Variants in CLPTM1L observed in about 807,000 individuals in gnomAD.
CLPTM1L encodes the protein lipid scramblase CLPTM1L.
CLPTM1L carries 38 observed loss-of-function variants against 70.9 expected under a neutral mutation model. The observed-to-expected ratio is 0.54, with a 90% CI of 0.41 to 0.70. CLPTM1L has a LOEUF of 0.70. Ranked by LOEUF, CLPTM1L falls within the 30% of genes least tolerant of loss-of-function variation. The pLI is 0.00. For synonymous variants in CLPTM1L, 339 were observed against 299.9 expected (o/e 1.13, Z -1.35); for missense variants, 652 against 705.9 (o/e 0.92, Z 0.87).
At chr5:1,337,171 C>A (rs1753625751) in intron 5 of CLPTM1L, among the ~76,000 whole-genome samples, 1 of 152,210 alleles carries the variant, frequency 6.6e-6, no homozygotes, top group Non-Finnish European at 1.5e-5. Flanking sequence ...CAAATAACCT[C>A]ATCCGTGAAA....
At chr5:1,327,218 T>G (rs75471300) in intron 9 of CLPTM1L, among the ~76,000 whole-genome samples, 11 of 141,242 alleles carry the variant, frequency 7.8e-5, no homozygotes, top group South Asian at 2.3e-4. Context: ...GCTCCTCCTC[T>G]ACAGACACAT....
intron 11 of CLPTM1L, among the ~76,000 whole-genome samples, chr5:1,324,538 C>A (rs1481575783): frequency 1.3e-5 from 2 of 152,250 alleles, no homozygotes; most frequent in Non-Finnish European, 2.9e-5. Flanking sequence ...TACGGTGACA[C>A]AGGCAGGCTG....
Position 1,324,879 on chromosome 5 carries a change from G to A in CLPTM1L, c.1147-66C>T, listed in dbSNP as rs1752421380. 5.4e-5 allele frequency: 78 copies of A among 1,456,950 alleles called. No individual in the cohort carries two copies. The South Asian group carries it at 8.6e-4, about 16-fold the overall frequency. 90.3% of individuals were successfully genotyped at this position (1,456,950 alleles called of 1,614,324 possible). ...GAGGATCTGAGCACAGCTGAGCTGT[G>A]ACTAAGGGGCGTCACATATGGCTGC... is the stretch of plus-strand genomic sequence containing the variant. On this transcript the variant is annotated intron_variant, in intron 10 of 16. Coordinates refer to ENST00000320895, the MANE Select transcript of CLPTM1L (RefSeq NM_030782.5).
intron 13 of CLPTM1L, among the ~76,000 whole-genome samples, 198 bp downstream of exon 13, chr5:1,322,677 ACT>A (rs1752226006): frequency 6.6e-6 from 1 of 152,212 alleles, no homozygotes; most frequent in African/African-American, 2.4e-5. Context: ...AGAACCAGTC[ACT>A]GTTGTGAAGC....
At chr5:1,320,297 T>C in intron 16 of CLPTM1L, 1 of 249,834 alleles carries the variant, frequency 4.0e-6, no homozygotes, top group Admixed American at 5.6e-5. Flanking sequence ...TCTGTTCTGC[T>C]CAATAGCAAT....
intron 6 of CLPTM1L, 132 bp from the exon 7 acceptor site, chr5:1,334,515 A>C: frequency 1.6e-6 from 1 of 617,934 alleles, no homozygotes; most frequent in South Asian, 2.0e-5. Context: ...GCACTTTGGG[A>C]ATCTCAGGCA....
At chr5:1,343,778 T>C (rs1000276948) in intron 2 of CLPTM1L, among the ~76,000 whole-genome samples, 11 of 152,146 alleles carry the variant, frequency 7.2e-5, no homozygotes, top group African/African-American at 2.7e-4. Context: ...TCCCAGGCAA[T>C]GAAGGGAAAT....
Position 1,334,056 on chromosome 5 carries a change from G to C in CLPTM1L, c.891+233C>G, listed in dbSNP as rs138629833. On this transcript the variant is annotated intron_variant, in intron 7 of 16. Coordinates refer to ENST00000320895, the MANE Select transcript of CLPTM1L (RefSeq NM_030782.5). The stretch of plus-strand genomic sequence containing the variant: ...AAGCCAGCACAGCCCAAGTCGCCAA[G>C]GCTGTGGACGGAGCTTTATGGTCCC... Among the ~76,000 whole-genome samples, 237 of 152,154 alleles carry C rather than the reference G, an allele frequency of 1.6e-3. 1 individual carries two copies. The highest frequency in any genetic ancestry group is 2.8e-3 in the Non-Finnish European group (188 of 68,016).
At position 1,336,068 on chromosome 5, in the gene CLPTM1L, C is replaced by T. The variant is rs73731729; in HGVS notation, c.679-894G>A. 5.6e-3 allele frequency among the ~76,000 whole-genome samples: 860 copies of T among 152,350 alleles called. 4 individuals carry two copies. Among genetic ancestry groups the T allele is most frequent in the African/African-American group, 0.02 (833 of 41,574 alleles). On this transcript the variant is annotated intron_variant, in intron 5 of 16. Coordinates refer to ENST00000320895, the MANE Select transcript of CLPTM1L (RefSeq NM_030782.5). ...GAATCAGAGCCACAACCAGCAGGTGCCAGGTTGCCCTGAGAGCGGCTGTCA... is the reference window on the plus strand; with the variant it reads ...GAATCAGAGCCACAACCAGCAGGTGTCAGGTTGCCCTGAGAGCGGCTGTCA...
In CLPTM1L at chr5:1,337,994, G is replaced by A. The variant is rs765896102; in HGVS notation, c.600-12C>T. ...TCCCCAGCTGGATCCTGGGATTAAAGCACAACTTTCCAAAGTCAGCACCAA... is the reference window on the plus strand; with the variant it reads ...TCCCCAGCTGGATCCTGGGATTAAAACACAACTTTCCAAAGTCAGCACCAA... On this transcript the variant is annotated splice_polypyrimidine_tract_variant and intron_variant, in intron 4 of 16. Coordinates refer to ENST00000320895, the MANE Select transcript of CLPTM1L (RefSeq NM_030782.5). 4 of 1,598,240 alleles carry A rather than the reference G, an allele frequency of 2.5e-6. No homozygotes were observed. Among genetic ancestry groups the A allele is most frequent in the Non-Finnish European group, 3.4e-6 (4 of 1,173,180 alleles).
intron 5 of CLPTM1L, among the ~76,000 whole-genome samples, 196 bp downstream of exon 5, chr5:1,337,708 C>A (rs1430153929): frequency 6.6e-6 from 1 of 152,204 alleles, no homozygotes. Context: ...AGCCAGCCAA[C>A]GGCAAACCCA....
chr5:1,329,393 C>G (rs1334446716), intron 9 of CLPTM1L, among the ~76,000 whole-genome samples: 3 of 152,256 alleles, frequency 2.0e-5, no homozygotes, highest in East Asian at 1.9e-4. Flanking sequence ...CATGAAAACA[C>G]TCTGTTTGGT....
At chr5:1,335,955 C>T (rs1181159778) in intron 5 of CLPTM1L, among the ~76,000 whole-genome samples, 1 of 149,612 alleles carries the variant, frequency 6.7e-6, no homozygotes, top group Admixed American at 6.6e-5. Context: ...TGACCCGCCA[C>T]CCTCCACGTG....
intron 11 of CLPTM1L, 136 bp downstream of exon 11, chr5:1,324,627 C>A: frequency 1.2e-6 from 1 of 864,018 alleles, no homozygotes; most frequent in East Asian, 2.5e-5. Context: ...TGTGTTCACT[C>A]TTGGGATCCC....
intron 9 of CLPTM1L, among the ~76,000 whole-genome samples, chr5:1,329,341 G>A (rs1415779352): frequency 2.6e-5 from 4 of 152,272 alleles, no homozygotes; most frequent in Non-Finnish European, 5.9e-5. Flanking sequence ...AAGGCCCCAC[G>A]GTTTACACCT....
At chr5:1,322,982 T>C in intron 12 of CLPTM1L, 71 bp from the exon 13 acceptor site, 4 of 1,429,802 alleles carry the variant, frequency 2.8e-6, no homozygotes, top group Non-Finnish European at 3.9e-6. Flanking sequence ...TGATGAAAAA[T>C]AATTCTTTCA....
intron 5 of CLPTM1L, among the ~76,000 whole-genome samples, chr5:1,335,951 G>A (rs1753551939): frequency 6.8e-6 from 1 of 147,822 alleles, no homozygotes; most frequent in Admixed American, 6.7e-5. Context: ...GCCCTGACCC[G>A]CCACCCTCCA....
intron 8 of CLPTM1L, chr5:1,330,671 C>T (rs1051077836): frequency 4.5e-6 from 2 of 441,696 alleles, no homozygotes; most frequent in Non-Finnish European, 4.1e-6. Flanking sequence ...GGTCGGATGA[C>T]GGGGCCAGCA....
chr5:1,324,953 C>G (rs1011390146), intron 10 of CLPTM1L, 140 bp from the exon 11 acceptor site: 2 of 719,604 alleles, frequency 2.8e-6, no homozygotes, highest in African/African-American at 3.5e-5. Flanking sequence ...CCCTACCAGG[C>G]GAGGAGAGGA....
Sources: gnomAD v4.1 joint callset for allele counts (sites outside exome capture counted in the v4.1 genomes callset) on GRCh38, gnomAD v4.1.1 for gene constraint, MANE v1.5 for transcripts, NCBI Gene and HGNC (gene_info 2026-07-23, HGNC 2026-07-21) for gene names.